Variants in SLC35F1 observed in about 807,000 individuals in gnomAD.
SLC35F1 encodes chromosome 6 open reading frame 169.
SLC35F1 carries 14 observed loss-of-function variants against 48.7 expected under a neutral mutation model. The observed-to-expected ratio is 0.29, with a 90% CI of 0.19 to 0.45. The LOEUF is 0.45. Among genes scored for constraint, SLC35F1 ranks in the 20% least tolerant of loss-of-function variants. SLC35F1 has a pLI of 1.00. For synonymous variants in SLC35F1, 190 were observed against 202.2 expected, an observed-to-expected ratio of 0.94 and a Z score of 0.51; for missense variants, 404 against 500.0, an observed-to-expected ratio of 0.81 and a Z score of 1.83.
chr6:118,057,361 C>G (rs1772476922), intron 1 of SLC35F1, among the ~76,000 whole-genome samples: 2 of 152,230 alleles, frequency 1.3e-5, no homozygotes, highest in South Asian at 2.1e-4. Context: ...TTCTGCCAAT[C>G]CCAGTCCCAG....
chr6:118,030,554 G>A (rs761471835), intron 1 of SLC35F1, among the ~76,000 whole-genome samples: 1 of 152,146 alleles, frequency 6.6e-6, no homozygotes, highest in South Asian at 2.1e-4. Flanking sequence ...TTAAAAAGGA[G>A]AAAGTTGTTG....
At chr6:118,026,734 G>A (rs1423797229) in intron 1 of SLC35F1, among the ~76,000 whole-genome samples, 1 of 152,154 alleles carries the variant, frequency 6.6e-6, no homozygotes, top group African/African-American at 2.4e-5. Context: ...AAGTTAATGA[G>A]TTTGGGATGA....
intron 1 of SLC35F1, among the ~76,000 whole-genome samples, chr6:118,107,763 A>G (rs990435806): frequency 6.6e-6 from 1 of 151,854 alleles, no homozygotes; most frequent in Non-Finnish European, 1.5e-5. Flanking sequence ...GTGTGTGTCT[A>G]TGTGAGATCA....
intron 3 of SLC35F1, among the ~76,000 whole-genome samples, chr6:118,246,872 G>A (rs1032736823): frequency 2.0e-5 from 3 of 152,170 alleles, no homozygotes; most frequent in African/African-American, 4.8e-5. Context: ...CCTCCCTGGT[G>A]AAATTCCTCA....
intron 1 of SLC35F1, among the ~76,000 whole-genome samples, chr6:118,036,262 C>A (rs188829339): frequency 6.6e-6 from 1 of 152,148 alleles, no homozygotes; most frequent in East Asian, 1.9e-4. Context: ...TTCATGATTT[C>A]TCTTGTGATT....
intron 1 of SLC35F1, among the ~76,000 whole-genome samples, chr6:118,077,930 T>C (rs1203211102): frequency 6.6e-6 from 1 of 152,222 alleles, no homozygotes; most frequent in Non-Finnish European, 1.5e-5. Flanking sequence ...CACTAAGTTT[T>C]CTTCAGTAGA....
At chr6:118,275,370 G>C in intron 4 of SLC35F1, 89 bp from the exon 5 acceptor site, 2 of 1,367,364 alleles carry the variant, frequency 1.5e-6, no homozygotes, top group Non-Finnish European at 2.0e-6. Context: ...AATAGAATAG[G>C]CAAGGGAAGC....
At chr6:118,037,787 C>T (rs1250769314) in intron 1 of SLC35F1, among the ~76,000 whole-genome samples, 4 of 149,018 alleles carry the variant, frequency 2.7e-5, no homozygotes, top group African/African-American at 9.9e-5. Flanking sequence ...CCAAACACTG[C>T]ATATTCTCAC....
intron 1 of SLC35F1, among the ~76,000 whole-genome samples, chr6:118,012,100 A>G (rs1777256608): frequency 6.6e-6 from 1 of 152,132 alleles, no homozygotes; most frequent in African/African-American, 2.4e-5. Flanking sequence ...GGAAAGGATT[A>G]AGGAAAAAAA....
chr6:118,147,965 T>G (rs184474722), intron 1 of SLC35F1, among the ~76,000 whole-genome samples: 1 of 152,222 alleles, frequency 6.6e-6, no homozygotes, highest in African/African-American at 2.4e-5. Context: ...CATATAAGTC[T>G]AATTAATGCT....
chr6:118,111,081 A>G (rs1773393239), intron 1 of SLC35F1, among the ~76,000 whole-genome samples: 1 of 152,154 alleles, frequency 6.6e-6, no homozygotes, highest in African/African-American at 2.4e-5. Context: ...CCATCTTCAT[A>G]GTAAGAAACT....
chr6:117,970,386 C>G (rs1169823337), intron 1 of SLC35F1, among the ~76,000 whole-genome samples: 16 of 152,236 alleles, frequency 1.1e-4, no homozygotes, highest in Admixed American at 1.0e-3. Flanking sequence ...ATTTCACCTC[C>G]TTATAGCATT....
intron 2 of SLC35F1, among the ~76,000 whole-genome samples, chr6:118,175,033 T>G (rs1774466746): frequency 6.6e-6 from 1 of 152,156 alleles, no homozygotes; most frequent in South Asian, 2.1e-4. Context: ...GGAAGATTGC[T>G]TTCAGCCACT....
At chr6:118,226,575 C>T (rs765448997) in intron 2 of SLC35F1, among the ~76,000 whole-genome samples, 6 of 151,860 alleles carry the variant, frequency 4.0e-5, no homozygotes, top group Non-Finnish European at 5.9e-5. Flanking sequence ...TGGAACTGGA[C>T]GTCATTATGT....
chr6:118,199,903 G>A (rs1774851247), intron 2 of SLC35F1, among the ~76,000 whole-genome samples: 2 of 152,058 alleles, frequency 1.3e-5, no homozygotes, highest in African/African-American at 4.8e-5. Context: ...CAACCACATT[G>A]TTGTATTAAA....
At chr6:118,224,238 T>C (rs1239695627) in intron 2 of SLC35F1, among the ~76,000 whole-genome samples, 1 of 152,208 alleles carries the variant, frequency 6.6e-6, no homozygotes, top group Non-Finnish European at 1.5e-5. Context: ...TTAACCATTT[T>C]GAGCTAGTGA....
chr6:117,960,874 A>G (rs1776488946), intron 1 of SLC35F1, among the ~76,000 whole-genome samples: 1 of 152,138 alleles, frequency 6.6e-6, no homozygotes, highest in Non-Finnish European at 1.5e-5. Context: ...GTTATATGAA[A>G]CTTGCATTCC....
At chr6:118,072,525 C>T (rs1772749377) in intron 1 of SLC35F1, among the ~76,000 whole-genome samples, 2 of 152,052 alleles carry the variant, frequency 1.3e-5, no homozygotes, top group South Asian at 4.1e-4. Context: ...GATCGTGCCA[C>T]TGCACTCCAG....
chr6:118,071,983 T>C (rs779687434), intron 1 of SLC35F1, among the ~76,000 whole-genome samples: 1 of 152,198 alleles, frequency 6.6e-6, no homozygotes, highest in Non-Finnish European at 1.5e-5. Context: ...CTCCGGAATA[T>C]TTTTCTATAT....
Sources: allele counts gnomAD v4.1 joint callset (sites outside exome capture counted in the v4.1 genomes callset), GRCh38; gene constraint gnomAD v4.1.1; transcripts MANE v1.5; gene names NCBI Gene and HGNC (gene_info 2026-07-23, HGNC 2026-07-21).